The following PDCD6 variants were observed in gnomAD, a reference collection of about 807,000 sequenced individuals.
PDCD6 encodes programmed cell death protein 6.
PDCD6 carries 12 observed loss-of-function variants against 28.3 expected under a neutral mutation model. The observed-to-expected ratio is 0.42, with a 90% confidence interval of 0.27 to 0.69. The LOEUF is 0.69. Among genes scored for constraint, PDCD6 ranks in the 30% least tolerant of loss-of-function variants. The probability of loss-of-function intolerance (pLI) is 0.22; values close to 1 mark genes in which losing one functional copy is unlikely to be tolerated. For synonymous variants in PDCD6, 92 were observed against 108.0 expected (o/e 0.85, Z 0.92); for missense variants, 226 against 269.9 (o/e 0.84, Z 1.14).
Position 302,107 on chromosome 5 carries a change from T to TGTGTGTGTGTGC in PDCD6, c.164-2069_164-2068insTGTGTGTGTGCG, listed in dbSNP as rs113802406. Among the ~76,000 whole-genome samples, 73 of 111,678 alleles carry TGTGTGTGTGTGC rather than the reference T, an allele frequency of 6.5e-4. 1 individual carries two copies. The highest frequency in any genetic ancestry group is 9.6e-4 in the Non-Finnish European group (54 of 56,336). The allele number at this position is 111,678 out of a possible 152,430, so 73.3% of individuals were successfully genotyped here. A position where few individuals can be genotyped will look rare whatever the true frequency, so the allele number is the denominator to read the frequency against. On this transcript the variant is annotated intron_variant, in intron 2 of 5. Transcript: ENST00000264933. Reference sequence around the variant, plus strand: ...GTGTGTGTGTGTGTGTGTGTGTGTGTGCCTTGGGTTCAGGTGCACCTGCCT... The same window carrying TGTGTGTGTGTGC: ...GTGTGTGTGTGTGTGTGTGTGTGTGTGTGTGTGTGTGCGCCTTGGGTTCAGGTGCACCTGCCT...
intron 2 of PDCD6, among the ~76,000 whole-genome samples, chr5:285,451 C>T (rs1384721499): frequency 6.7e-6 from 1 of 150,068 alleles, no homozygotes; most frequent in Non-Finnish European, 1.5e-5. Flanking sequence ...AGTTTGAGGG[C>T]CATGCAGCTG....
At chr5:290,504 G>C (rs1300918619) in intron 2 of PDCD6, among the ~76,000 whole-genome samples, 1 of 152,126 alleles carries the variant, frequency 6.6e-6, no homozygotes, top group East Asian at 1.9e-4. Context: ...CCAACAGAGC[G>C]AGCATCTCCC....
chr5:285,856 C>T (rs1738920977), intron 2 of PDCD6, among the ~76,000 whole-genome samples: 1 of 149,246 alleles, frequency 6.7e-6, no homozygotes, highest in Non-Finnish European at 1.5e-5. Context: ...GTTTGAGGGC[C>T]CAGGAGCTGA....
intron 2 of PDCD6, among the ~76,000 whole-genome samples, chr5:283,588 T>C (rs1402802562): frequency 6.6e-6 from 1 of 152,042 alleles, no homozygotes; most frequent in Non-Finnish European, 1.5e-5. Flanking sequence ...GTCGTGCAGC[T>C]GAAGACTCGG....
chr5:274,314 T>G (rs1161481274), intron 2 of PDCD6, among the ~76,000 whole-genome samples: 1 of 152,210 alleles, frequency 6.6e-6, no homozygotes, highest in Non-Finnish European at 1.5e-5. Context: ...TAGGTTTAGT[T>G]TTAGGTTTTC....
chr5:297,828 T>C (rs903609052), intron 2 of PDCD6, among the ~76,000 whole-genome samples: 2 of 152,248 alleles, frequency 1.3e-5, no homozygotes, highest in Non-Finnish European at 2.9e-5. Context: ...ATCAGTAATT[T>C]GAAGTCCTTT....
intron 2 of PDCD6, among the ~76,000 whole-genome samples, chr5:279,101 T>C (rs1036768994): frequency 6.6e-6 from 1 of 152,092 alleles, no homozygotes; most frequent in African/African-American, 2.4e-5. Flanking sequence ...GGAAGTCAGC[T>C]CAGGCAAACC....
chr5:298,322 G>T, intron 2 of PDCD6, among the ~76,000 whole-genome samples: 1 of 151,894 alleles, frequency 6.6e-6, no homozygotes, highest in South Asian at 2.1e-4. Flanking sequence ...GAAACTTCAC[G>T]GTACCAGGAC....
intron 2 of PDCD6, among the ~76,000 whole-genome samples, chr5:275,318 G>C (rs1223565192): frequency 6.6e-6 from 1 of 152,216 alleles, no homozygotes; most frequent in Admixed American, 6.5e-5. Flanking sequence ...GAAGCCCGTA[G>C]TCACTGTTCA....
At chr5:313,466 T>G (rs1294537127) in intron 5 of PDCD6, among the ~76,000 whole-genome samples, 6 of 150,374 alleles carry the variant, frequency 4.0e-5, no homozygotes, top group Admixed American at 3.3e-4. Context: ...CCTGCAGGGT[T>G]GTTTTTTTTT....
At chr5:299,698 C>T (rs1312411543) in intron 2 of PDCD6, among the ~76,000 whole-genome samples, 10 of 152,158 alleles carry the variant, frequency 6.6e-5, no homozygotes, top group Admixed American at 1.3e-4. Context: ...TACAGGCACA[C>T]GCCGCCATGC....
At chr5:289,879 C>G in intron 2 of PDCD6, 1 of 1,512,126 alleles carries the variant, frequency 6.6e-7, no homozygotes, top group South Asian at 1.1e-5. Context: ...ACCATTCATT[C>G]GATTTAAACT....
At chr5:308,458 A>T (rs1453896869) in intron 4 of PDCD6, 2 of 152,108 alleles carry the variant, frequency 1.3e-5, no homozygotes, top group Non-Finnish European at 2.9e-5. Context: ...CCTGACTTCC[A>T]GGTTTTTCCT....
At chr5:284,255 G>A (rs758483258) in intron 2 of PDCD6, among the ~76,000 whole-genome samples, 15 of 151,834 alleles carry the variant, frequency 9.9e-5, no homozygotes, top group East Asian at 3.9e-4. Context: ...CTGAAGACTC[G>A]GGGAGGAGCT....
At chr5:294,400 C>T (rs77319562) in intron 2 of PDCD6, among the ~76,000 whole-genome samples, 159 of 144,444 alleles carry the variant, frequency 1.1e-3, no homozygotes, top group African/African-American at 2.7e-3. Flanking sequence ...GATATTGGAA[C>T]AGAGGCCTCA....
At chr5:278,127 T>G (rs1183372742) in intron 2 of PDCD6, among the ~76,000 whole-genome samples, 1 of 152,088 alleles carries the variant, frequency 6.6e-6, no homozygotes, top group African/African-American at 2.4e-5. Context: ...TCCTCCGGGG[T>G]TGGGTGTGTT....
At chr5:311,725 G>T in intron 5 of PDCD6, 1 of 293,888 alleles carries the variant, frequency 3.4e-6, no homozygotes, top group Non-Finnish European at 6.4e-6. Context: ...ACCGAGTCTC[G>T]CTCTGTCACC....
At chr5:279,325 A>G (rs1007839379) in intron 2 of PDCD6, among the ~76,000 whole-genome samples, 3 of 152,094 alleles carry the variant, frequency 2.0e-5, no homozygotes, top group South Asian at 2.1e-4. Flanking sequence ...ACACGGCACA[A>G]GCAGAAGCCT....
intron 2 of PDCD6, chr5:276,795 G>A: frequency 1.0e-6 from 1 of 985,394 alleles, no homozygotes; most frequent in African/African-American, 1.7e-5. Flanking sequence ...GAAGGTATTT[G>A]TGGCCCATAC....
Sources: gnomAD v4.1 joint callset for allele counts (sites outside exome capture counted in the v4.1 genomes callset) on GRCh38, gnomAD v4.1.1 for gene constraint, MANE v1.5 for transcripts, NCBI Gene and HGNC (gene_info 2026-07-23, HGNC 2026-07-21) for gene names.